The following PRKCB variants were observed in gnomAD, a reference collection of about 807,000 sequenced individuals.
The protein encoded by PRKCB is protein kinase C beta type.
PRKCB carries 13 observed loss-of-function variants against 81.5 expected under a neutral mutation model. That is an observed-to-expected ratio of 0.16 (90% CI 0.10 to 0.25). PRKCB has a LOEUF of 0.25. PRKCB is among the 10% of genes least tolerant of loss of function. PRKCB has a pLI of 1.00. For missense variants in PRKCB, 509 were observed against 875.7 expected, an observed-to-expected ratio of 0.58 and a Z score of 5.29; for synonymous variants, 335 against 321.4, an observed-to-expected ratio of 1.04 and a Z score of -0.45.
At chr16:23,840,815 G>C (rs894407548) in intron 2 of PRKCB, among the ~76,000 whole-genome samples, 7 of 152,172 alleles carry the variant, frequency 4.6e-5, no homozygotes, top group African/African-American at 1.7e-4. Context: ...GCTCAGGGGA[G>C]CTTAAGAATA....
At chr16:24,027,113 T>C (rs1965491603) in intron 3 of PRKCB, among the ~76,000 whole-genome samples, 1 of 152,202 alleles carries the variant, frequency 6.6e-6, no homozygotes, top group Non-Finnish European at 1.5e-5. Context: ...ACTTGTCATC[T>C]ACATTAGGTA....
intron 5 of PRKCB, among the ~76,000 whole-genome samples, chr16:24,071,436 TAAAAAAAAAAA>T (rs398042091): frequency 1.7e-5 from 1 of 57,276 alleles, no homozygotes; most frequent in Non-Finnish European, 3.6e-5. Context: ...AGACCCTGTC[TAAAAAAAAAAA>T]AAAAAAAAAA....
intron 9 of PRKCB, among the ~76,000 whole-genome samples, chr16:24,124,545 G>A (rs1966839289): frequency 6.6e-6 from 1 of 152,148 alleles, no homozygotes; most frequent in South Asian, 2.1e-4. Context: ...AATGGAAACG[G>A]TTCCTTTCAA....
intron 9 of PRKCB, among the ~76,000 whole-genome samples, chr16:24,137,939 C>T (rs1379952062): frequency 6.6e-6 from 1 of 152,146 alleles, no homozygotes; most frequent in East Asian, 1.9e-4. Flanking sequence ...AACACCACTG[C>T]GGAGATTGAT....
At chr16:23,921,575 C>T (rs927073226) in intron 2 of PRKCB, among the ~76,000 whole-genome samples, 17 of 152,068 alleles carry the variant, frequency 1.1e-4, no homozygotes, top group African/African-American at 4.1e-4. Context: ...TACAGGTGGG[C>T]AGATCACTTG....
At chr16:23,891,785 A>C (rs1963299033) in intron 2 of PRKCB, among the ~76,000 whole-genome samples, 1 of 152,208 alleles carries the variant, frequency 6.6e-6, no homozygotes, top group African/African-American at 2.4e-5. Context: ...TGTCTTAATG[A>C]AGCCACTTGT....
At chr16:24,040,312 C>T (rs945220061) in intron 5 of PRKCB, among the ~76,000 whole-genome samples, 1 of 152,142 alleles carries the variant, frequency 6.6e-6, no homozygotes, top group Admixed American at 6.5e-5. Flanking sequence ...ATCCTTGGTC[C>T]TCTGCAGACT....
chr16:24,187,344 C>T (rs553654923), intron 15 of PRKCB, among the ~76,000 whole-genome samples: 5 of 152,144 alleles, frequency 3.3e-5, no homozygotes, highest in Admixed American at 6.5e-5. Flanking sequence ...CATTAATTGC[C>T]GCAGGACCTT....
chr16:24,132,292 A>AG (rs1168880242), intron 9 of PRKCB, among the ~76,000 whole-genome samples: 1 of 152,196 alleles, frequency 6.6e-6, no homozygotes, highest in Non-Finnish European at 1.5e-5. Context: ...GGCAGGCATG[A>AG]GGGGAAGGGA....
chr16:23,999,287 C>T (rs1026039996), intron 3 of PRKCB, among the ~76,000 whole-genome samples: 4 of 152,218 alleles, frequency 2.6e-5, no homozygotes, highest in African/African-American at 9.6e-5. Context: ...TTGGACAAGG[C>T]TCCATCCACG....
At chr16:24,020,894 C>A (rs1246746540) in intron 3 of PRKCB, among the ~76,000 whole-genome samples, 1 of 152,212 alleles carries the variant, frequency 6.6e-6, no homozygotes, top group Non-Finnish European at 1.5e-5. Flanking sequence ...CTTATTCCTG[C>A]AGTTTTACTT....
At chr16:24,042,487 A>G (rs146229809) in intron 5 of PRKCB, among the ~76,000 whole-genome samples, 1 of 152,196 alleles carries the variant, frequency 6.6e-6, no homozygotes, top group East Asian at 1.9e-4. Context: ...TTTTACAGCA[A>G]ACACTCATTT....
intron 2 of PRKCB, among the ~76,000 whole-genome samples, chr16:23,942,517 G>T (rs1387198175): frequency 1.3e-5 from 2 of 152,166 alleles, no homozygotes; most frequent in Admixed American, 1.3e-4. Flanking sequence ...CACTAGAAAG[G>T]ATATGGATAG....
intron 8 of PRKCB, among the ~76,000 whole-genome samples, chr16:24,115,825 A>T (rs550363980): frequency 6.6e-6 from 1 of 152,216 alleles, no homozygotes; most frequent in African/African-American, 2.4e-5. Context: ...TCCTGGGTTC[A>T]CGCCATTCTC....
intron 9 of PRKCB, among the ~76,000 whole-genome samples, chr16:24,148,296 TCC>T (rs1967024603): frequency 6.6e-6 from 1 of 152,192 alleles, no homozygotes; most frequent in Non-Finnish European, 1.5e-5. Flanking sequence ...TGTTAAGTCT[TCC>T]ATTTAAACAC....
intron 12 of PRKCB, among the ~76,000 whole-genome samples, chr16:24,179,408 C>T (rs988251692): frequency 6.6e-5 from 10 of 152,164 alleles, no homozygotes; most frequent in African/African-American, 1.9e-4. Context: ...TCAAGATGAC[C>T]GAAGGGAAAG....
At chr16:24,054,436 C>T (rs1451237860) in intron 5 of PRKCB, among the ~76,000 whole-genome samples, 6 of 152,152 alleles carry the variant, frequency 3.9e-5, no homozygotes, top group Non-Finnish European at 8.8e-5. Context: ...AACTGAAGCT[C>T]GGAAAGGTTA....
intron 9 of PRKCB, among the ~76,000 whole-genome samples, chr16:24,145,954 G>T (rs1388288868): frequency 6.6e-6 from 1 of 152,236 alleles, no homozygotes; most frequent in Non-Finnish European, 1.5e-5. Flanking sequence ...TTATAAGCAA[G>T]TTAAGATGTG....
intron 2 of PRKCB, among the ~76,000 whole-genome samples, chr16:23,891,019 G>A (rs56336234): frequency 4.2e-4 from 50 of 120,472 alleles, no homozygotes; most frequent in Middle Eastern, 3.8e-3. Flanking sequence ...GTGTGTGTGT[G>A]TGTATATATA....
Sources: gnomAD v4.1 joint callset for allele counts (sites outside exome capture counted in the v4.1 genomes callset) on GRCh38, gnomAD v4.1.1 for gene constraint, MANE v1.5 for transcripts, NCBI Gene and HGNC (gene_info 2026-07-23, HGNC 2026-07-21) for gene names.